The following RSPH14 variants were observed in gnomAD, a reference collection of about 807,000 sequenced individuals.
The protein encoded by RSPH14 is rhabdoid tumor deletion region gene 1.
In RSPH14, 20 loss-of-function variants were observed where a neutral mutation model predicts 26.7. That is an observed-to-expected ratio of 0.75 (90% CI 0.53 to 1.09). The LOEUF (loss-of-function observed/expected upper bound fraction) is 1.09. Among genes scored for constraint, RSPH14 ranks in the 50% least tolerant of loss-of-function variants. The pLI, the probability that RSPH14 is intolerant of heterozygous loss-of-function variation, is 0.00. For missense variants in RSPH14, 449 were observed against 457.2 expected (o/e 0.98, Z 0.16); for synonymous variants, 177 against 189.3 (o/e 0.93, Z 0.53).
intron 4 of RSPH14, among the ~76,000 whole-genome samples, chr22:23,105,980 G>C (rs1451533333): frequency 1.3e-5 from 2 of 152,202 alleles, no homozygotes; most frequent in African/African-American, 2.4e-5. Context: ...GTCTGGGTGT[G>C]AAGCCAGGGA....
At chr22:23,179,470 C>T in the RSPH14 span, among the ~76,000 whole-genome samples, 4 of 152,196 alleles carry the variant, frequency 2.6e-5, no homozygotes, top group Non-Finnish European at 5.9e-5. Flanking sequence ...CTGCTCTGGG[C>T]TGTCTTCCAC....
chr22:23,133,978 C>T (rs765249058), intron 4 of RSPH14, 48 bp downstream of exon 4: 15 of 1,392,974 alleles, frequency 1.1e-5, no homozygotes, highest in East Asian at 2.3e-5. Context: ...AGGAGACCGA[C>T]GGACAACTTG....
At chr22:23,096,296 G>C in intron 4 of RSPH14, 1 of 1,614,076 alleles carries the variant, frequency 6.2e-7, no homozygotes, top group Non-Finnish European at 8.5e-7. Flanking sequence ...CAAGATGGTG[G>C]ACGTGGGGGG....
the RSPH14 span, chr22:23,153,037 T>C: frequency 2.5e-6 from 4 of 1,613,706 alleles, no homozygotes; most frequent in Non-Finnish European, 3.4e-6. Context: ...CCACAGGTTT[T>C]GCAAGAATGT....
At chr22:23,124,292 CT>C (rs781604542) in intron 4 of RSPH14, 1 of 219,300 alleles carries the variant, frequency 4.6e-6, no homozygotes, top group South Asian at 4.4e-5. Context: ...GTTGAGTATT[CT>C]TTTTTAAATG....
upstream of RSPH14, chr22:23,142,101 G>A (rs2070616633): frequency 1.1e-6 from 1 of 876,368 alleles, no homozygotes; most frequent in South Asian, 5.2e-5. Flanking sequence ...AACAGCCCAA[G>A]GCTGCGGCCG....
upstream of RSPH14, chr22:23,146,102 C>CCTGCCCCACCCTGCCTGGG: frequency 2.4e-6 from 2 of 831,394 alleles, no homozygotes; most frequent in Non-Finnish European, 2.9e-6. Flanking sequence ...GACTCCCAGG[C>CCTGCCCCACCCTGCCTGGG]AGGGTGGGGC....
At chr22:23,153,293 C>T in the RSPH14 span, among the ~76,000 whole-genome samples, 1 of 152,138 alleles carries the variant, frequency 6.6e-6, no homozygotes. Context: ...GCTCCCAGAG[C>T]CCCCACATGC....
At chr22:23,146,266 TGGCACCTTCAC>T (rs995971131), upstream of RSPH14, among the ~76,000 whole-genome samples, 15 of 152,218 alleles carry the variant, frequency 9.9e-5, no homozygotes, top group Middle Eastern at 3.2e-3. Flanking sequence ...TGGAGTGCAG[TGGCACCTTCAC>T]GGTTCACTGC....
intron 4 of RSPH14, among the ~76,000 whole-genome samples, chr22:23,092,814 G>C (rs147391389): frequency 3.9e-4 from 59 of 152,324 alleles, no homozygotes; most frequent in African/African-American, 1.3e-3. Flanking sequence ...CCCACCACTG[G>C]GGACAGAAGG....
intron 4 of RSPH14, among the ~76,000 whole-genome samples, chr22:23,117,154 G>A (rs908724517): frequency 2.6e-5 from 4 of 152,148 alleles, no homozygotes; most frequent in African/African-American, 9.7e-5. Flanking sequence ...TACCAGGAAC[G>A]TTGGTAACTG....
At chr22:23,177,357 G>C in the RSPH14 span, among the ~76,000 whole-genome samples, 1 of 152,048 alleles carries the variant, frequency 6.6e-6, no homozygotes, top group African/African-American at 2.4e-5. Flanking sequence ...CGCTCTCGGT[G>C]ACCTATCTGC....
At chr22:23,153,544 C>T in the RSPH14 span, 2 of 984,562 alleles carry the variant, frequency 2.0e-6, no homozygotes, top group African/African-American at 3.5e-5. Flanking sequence ...GGGGTCAAAT[C>T]CAGTCCCTGC....
chr22:23,117,888 C>A (rs549502987), intron 4 of RSPH14, among the ~76,000 whole-genome samples: 1 of 152,308 alleles, frequency 6.6e-6, no homozygotes, highest in African/African-American at 2.4e-5. Context: ...TCACCACCCC[C>A]ACAACTAACC....
intron 4 of RSPH14, chr22:23,096,069 TG>T: frequency 6.2e-7 from 1 of 1,608,354 alleles, no homozygotes; most frequent in Non-Finnish European, 8.5e-7. Context: ...CCCGAGCTGC[TG>T]GGTGTCATGC....
At chr22:23,098,903 C>G (rs2069206169) in intron 4 of RSPH14, among the ~76,000 whole-genome samples, 1 of 152,244 alleles carries the variant, frequency 6.6e-6, no homozygotes, top group Non-Finnish European at 1.5e-5. Context: ...TGGCACAGGG[C>G]TGCCACTCTG....
At chr22:23,176,883 C>T in the RSPH14 span, among the ~76,000 whole-genome samples, 3 of 152,214 alleles carry the variant, frequency 2.0e-5, no homozygotes, top group Admixed American at 6.5e-5. Context: ...CTCACTAACA[C>T]GAAACCAAAC....
At chr22:23,148,016 T>C (rs920817131), upstream of RSPH14, among the ~76,000 whole-genome samples, 3 of 152,134 alleles carry the variant, frequency 2.0e-5, no homozygotes, top group Non-Finnish European at 4.4e-5. Context: ...TGGTTGCCTC[T>C]GTGGCTTCGG....
chr22:23,084,604 A>G (rs1319610471), intron 4 of RSPH14, among the ~76,000 whole-genome samples: 2 of 152,188 alleles, frequency 1.3e-5, no homozygotes, highest in Non-Finnish European at 2.9e-5. Flanking sequence ...TGAGCACTGG[A>G]TGTGAACATA....
Sources: allele counts gnomAD v4.1 joint callset (sites outside exome capture counted in the v4.1 genomes callset), GRCh38; gene constraint gnomAD v4.1.1; transcripts MANE v1.5; gene names NCBI Gene and HGNC (gene_info 2026-07-23, HGNC 2026-07-21).